Variants in TRPM3 observed in about 807,000 individuals in gnomAD.
TRPM3 encodes long transient receptor potential channel 3.
A neutral mutation model predicts 181.2 loss-of-function variants in TRPM3; 77 were observed. That is an observed-to-expected ratio of 0.42 (90% CI 0.35 to 0.51). The LOEUF (loss-of-function observed/expected upper bound fraction) is 0.51. TRPM3 is among the 20% of genes least tolerant of loss of function. The pLI is 0.01. For missense variants in TRPM3, 1,759 were observed against 2,196.7 expected (o/e 0.80, Z 3.98); for synonymous variants, 745 against 796.4 (o/e 0.94, Z 1.09).
chr9:70,895,116 A>G (rs563818784), intron 1 of TRPM3, among the ~76,000 whole-genome samples: 8 of 152,294 alleles, frequency 5.3e-5, no homozygotes, highest in African/African-American at 1.9e-4. Context: ...TGCTACATAA[A>G]TGTTAGTGCT....
chr9:70,797,650 T>C (rs1199551685), intron 6 of TRPM3, among the ~76,000 whole-genome samples: 8 of 152,292 alleles, frequency 5.3e-5, no homozygotes, highest in Non-Finnish European at 2.9e-5. Context: ...CTTTCCTCAC[T>C]CCTGGTTTCA....
At chr9:70,841,848 G>T (rs2094688159) in intron 5 of TRPM3, among the ~76,000 whole-genome samples, 1 of 151,364 alleles carries the variant, frequency 6.6e-6, no homozygotes, top group Non-Finnish European at 1.5e-5. Context: ...GTCAAATACT[G>T]CATGTTCTCA....
At chr9:71,214,546 C>T (rs1460656183) in intron 1 of TRPM3, among the ~76,000 whole-genome samples, 2 of 152,144 alleles carry the variant, frequency 1.3e-5, no homozygotes, top group African/African-American at 4.8e-5. Context: ...TCAAATTATA[C>T]AGTTTTTTCT....
At chr9:71,329,555 T>G (rs2089965460) in intron 1 of TRPM3, among the ~76,000 whole-genome samples, 1 of 152,222 alleles carries the variant, frequency 6.6e-6, no homozygotes, top group Non-Finnish European at 1.5e-5. Flanking sequence ...ATATGAATTA[T>G]ATTGCATAAG....
Position 70,536,989 on chromosome 9 carries a change from C to T in TRPM3, c.4124G>A (p.Ser1375Asn). The change falls in exon 26 of 26, where the codon AGC becomes AAC. Residue 1375 changes from serine to asparagine, a missense_variant. Physicochemically the swap from Ser to Asn is conservative, Grantham distance 46. Around this residue, in one of 8 missense-constraint regions of TRPM3, gnomAD observed 612 missense variants for 590.0 expected, o/e 1.04. Coordinates refer to ENST00000677713, the MANE Select transcript of TRPM3 (RefSeq NM_001366145.2). ...LESIFKERSL[S>N]LHRATSSHSV... ...GTGGGAACTAGTAGCCCGGTGTAGG[C>T]TCAGGGACCTTTCTTTAAAAATACT... The T allele has an allele frequency of 1.2e-6, 2 of 1,610,798 alleles. No individual in the cohort carries two copies. Among genetic ancestry groups the T allele is most frequent in the Non-Finnish European group, 1.7e-6 (2 of 1,177,296 alleles).
At chr9:70,998,596 G>T in intron 1 of TRPM3, among the ~76,000 whole-genome samples, 1 of 152,258 alleles carries the variant, frequency 6.6e-6, no homozygotes, top group Non-Finnish European at 1.5e-5. Context: ...AACCATTAAA[G>T]TATCATACAG....
intron 12 of TRPM3, among the ~76,000 whole-genome samples, chr9:70,628,339 T>C (rs1459407905): frequency 1.3e-5 from 2 of 152,170 alleles, no homozygotes; most frequent in Non-Finnish European, 2.9e-5. Flanking sequence ...CTATCTGTCC[T>C]TTGGCCAGCA....
rs76082010 is a variant in TRPM3 at position 70,849,979 on chromosome 9, A to G, written c.463-3388T>C. On this transcript the variant is annotated intron_variant, in intron 3 of 25. Coordinates refer to ENST00000677713, the MANE Select transcript of TRPM3 (RefSeq NM_001366145.2). ...GCAGAATATGAAAGCAGCTTAATAA[A>G]ATAAACCGCACCATCAAGAGATACC... Among the ~76,000 whole-genome samples the G allele has an allele frequency of 4.7e-3, 712 of 152,324 alleles. 6 individuals carry two copies. The highest frequency in any genetic ancestry group is 0.016 in the African/African-American group (679 of 41,566).
chr9:71,149,100 G>C (rs1219665432), intron 1 of TRPM3, among the ~76,000 whole-genome samples: 1 of 152,066 alleles, frequency 6.6e-6, no homozygotes, highest in African/African-American at 2.4e-5. Flanking sequence ...GAAGGCAAGT[G>C]AGAAGAAGTG....
At chr9:70,658,313 T>C (rs1246561263) in intron 9 of TRPM3, among the ~76,000 whole-genome samples, 1 of 152,154 alleles carries the variant, frequency 6.6e-6, no homozygotes, top group Non-Finnish European at 1.5e-5. Context: ...CCTTTGATAT[T>C]TGACAAACTT....
rs773115247 is a variant in TRPM3 at position 70,616,092 on chromosome 9, G to GATA, written c.2359-20_2359-18dup. On this transcript the variant is annotated splice_polypyrimidine_tract_variant and intron_variant, in intron 17 of 25. Coordinates refer to ENST00000677713, the MANE Select transcript of TRPM3 (RefSeq NM_001366145.2). ...CAGAATTACCTAAAGTAATAATAAT[G>GATA]ATAATAATAATAATCACATTTAAAG... 5.9e-6 allele frequency: 9 copies of GATA among 1,514,248 alleles called. No homozygotes were observed. In the East Asian group the frequency reaches 9.7e-5, roughly 16 times the overall value. The allele number at this position is 1,514,248 out of a possible 1,614,324, so 93.8% of individuals were successfully genotyped here. A position where few individuals can be genotyped will look rare whatever the true frequency, so the allele number is the denominator to read the frequency against.
chr9:70,616,116 AG>A (rs1197695174), intron 17 of TRPM3, 41 bp from the exon 18 acceptor site: 1 of 1,454,854 alleles, frequency 6.9e-7, no homozygotes, highest in South Asian at 1.3e-5. Flanking sequence ...TCACATTTAA[AG>A]GATTAAGATT....
intron 1 of TRPM3, among the ~76,000 whole-genome samples, chr9:71,436,614 T>C (rs1224922791): frequency 1.3e-5 from 2 of 152,132 alleles, no homozygotes. Flanking sequence ...AAACCTCTTT[T>C]TCTTCCCAGT....
chr9:71,427,598 T>C (rs763029167), intron 1 of TRPM3, among the ~76,000 whole-genome samples: 8 of 152,220 alleles, frequency 5.3e-5, no homozygotes, highest in Non-Finnish European at 1.2e-4. Flanking sequence ...AACAAAATCA[T>C]GTCATTTGCA....
chr9:71,417,920 G>A (rs2131506479), intron 1 of TRPM3, among the ~76,000 whole-genome samples: 1 of 151,694 alleles, frequency 6.6e-6, no homozygotes, highest in East Asian at 1.9e-4. Flanking sequence ...AACACCTGAT[G>A]GAAATAAATT....
chr9:70,620,396 G>C (rs1328453826), intron 15 of TRPM3, 31 bp from the exon 16 acceptor site: 1 of 1,577,904 alleles, frequency 6.3e-7, no homozygotes, highest in Non-Finnish European at 8.6e-7. Flanking sequence ...CACAGACTGA[G>C]TTAGAAATGA....
At chr9:70,978,056 G>A (rs1486496228) in intron 1 of TRPM3, among the ~76,000 whole-genome samples, 3 of 152,036 alleles carry the variant, frequency 2.0e-5, no homozygotes, top group Non-Finnish European at 1.5e-5. Context: ...ATCATGCCTC[G>A]GTCCTTCTGG....
At chr9:71,130,755 C>T (rs1252588473) in intron 1 of TRPM3, among the ~76,000 whole-genome samples, 6 of 152,116 alleles carry the variant, frequency 3.9e-5, no homozygotes, top group Non-Finnish European at 5.9e-5. Context: ...GGACAACCAG[C>T]TGTCTCTGGG....
At chr9:70,991,115 C>G (rs765529384) in intron 1 of TRPM3, among the ~76,000 whole-genome samples, 15 of 152,134 alleles carry the variant, frequency 9.9e-5, no homozygotes, top group Non-Finnish European at 1.9e-4. Flanking sequence ...CTCAAAATAT[C>G]CACCTCTACT....
Sources: gnomAD v4.1 joint callset for allele counts (sites outside exome capture counted in the v4.1 genomes callset) on GRCh38, gnomAD v4.1.1 for gene constraint, gnomAD v4.1.1 regional missense constraint, MANE v1.5 for transcripts, NCBI Gene and HGNC (gene_info 2026-07-23, HGNC 2026-07-21) for gene names.